The following LRRCC1 variants were observed in gnomAD, a reference collection of about 807,000 sequenced individuals.
The protein encoded by LRRCC1 is leucine-rich repeat and coiled-coil domain-containing protein 1.
A neutral mutation model predicts 126.0 loss-of-function variants in LRRCC1; 115 were observed. The ratio of observed to expected loss-of-function variants is 0.91; its 90% CI spans 0.78 to 1.07. The LOEUF (loss-of-function observed/expected upper bound fraction) is 1.07, where lower values mean the gene tolerates loss of function less well. Ranked by LOEUF, LRRCC1 falls within the 50% of genes least tolerant of loss-of-function variation. The pLI, the probability that LRRCC1 is intolerant of heterozygous loss-of-function variation, is 0.00. For synonymous variants in LRRCC1, 400 were observed against 393.4 expected (o/e 1.02, Z -0.20); for missense variants, 1,172 against 1,175.7 (o/e 1.00, Z 0.05).
chr8:85,111,807 C>T (rs1482424369), intron 3 of LRRCC1, among the ~76,000 whole-genome samples: 2 of 151,582 alleles, frequency 1.3e-5, no homozygotes, highest in Non-Finnish European at 2.9e-5. Context: ...GATTGTGAAG[C>T]AGTTGAAACT....
intron 18 of LRRCC1, among the ~76,000 whole-genome samples, chr8:85,143,037 A>C (rs1811370639): frequency 6.6e-6 from 1 of 152,142 alleles, no homozygotes; most frequent in East Asian, 1.9e-4. Flanking sequence ...AAAACTACCA[A>C]ATGCAGGCTG....
Position 85,132,071 on chromosome 8 carries a change from TAAGTA to T in LRRCC1, c.1968+113_1968+117del. On this transcript the variant is annotated intron_variant, in intron 12 of 18. Transcript: ENST00000360375. ...GTATTAAATGTTGGCTTCATAATCTTAAGTAAAATATATAAATTCTTAGAGGCCTT... is the reference window on the plus strand; with the variant it reads ...GTATTAAATGTTGGCTTCATAATCTTAAATATATAAATTCTTAGAGGCCTT... 8 of 845,950 alleles carry T rather than the reference TAAGTA, an allele frequency of 9.5e-6. 1 individual carries two copies. The South Asian group carries it at 1.6e-4, about 17-fold the overall frequency. 52.4% of individuals were successfully genotyped at this position (845,950 alleles called of 1,614,324 possible). A position where few individuals can be genotyped will look rare whatever the true frequency, so the allele number is the denominator to read the frequency against.
chr8:85,119,048 A>G (rs117590182), intron 6 of LRRCC1, among the ~76,000 whole-genome samples: 1,704 of 152,094 alleles, frequency 0.011, 17 homozygotes, highest in Non-Finnish European at 0.018. Context: ...ATTTTCAGTT[A>G]TCTCAGTACC....
At chr8:85,143,468 T>C (rs1355876839) in intron 18 of LRRCC1, among the ~76,000 whole-genome samples, 1 of 151,900 alleles carries the variant, frequency 6.6e-6, no homozygotes, top group Admixed American at 6.6e-5. Flanking sequence ...CAAGACCTTG[T>C]CGCTACAAAA....
At chr8:85,110,209 T>C in intron 3 of LRRCC1, 29 bp downstream of exon 3, 1 of 952,758 alleles carries the variant, frequency 1.0e-6, no homozygotes, top group East Asian at 2.8e-5. Context: ...GTTTTCTGTA[T>C]GCTAAATGTT....
At chr8:85,136,061 C>A in intron 14 of LRRCC1, 98 bp downstream of exon 14, 2 of 1,054,958 alleles carry the variant, frequency 1.9e-6, no homozygotes, top group Non-Finnish European at 1.3e-6. Flanking sequence ...CCTAAAGATG[C>A]CAAGAAAAAA....
At chr8:85,144,948 C>T (rs1234180295) in intron 18 of LRRCC1, among the ~76,000 whole-genome samples, 1 of 150,002 alleles carries the variant, frequency 6.7e-6, no homozygotes, top group Non-Finnish European at 1.5e-5. Context: ...GGCATGGTAG[C>T]GGGCACCTGT....
chr8:85,123,833 T>C (rs985665085), intron 7 of LRRCC1, among the ~76,000 whole-genome samples: 5 of 152,152 alleles, frequency 3.3e-5, no homozygotes, highest in African/African-American at 1.2e-4. Context: ...AACCTGAAGA[T>C]ATCTCATACT....
Position 85,123,507 on chromosome 8 carries a change from A to T in LRRCC1, c.1025A>T (p.Glu342Val). 6.2e-7 allele frequency: 1 copy of T among 1,611,716 alleles called. No homozygotes were observed. The highest frequency in any genetic ancestry group is 1.1e-5 in the South Asian group (1 of 90,758). Reference protein sequence around the residue: ...TSESDYGNRKECNRKVPRRSK... With the variant: ...TSESDYGNRKVCNRKVPRRSK... ...GAAAGTGACTATGGAAACAGAAAAGAATGCAATAGAAAAGTTCCTCGAAGA... is the reference window on the plus strand; with the variant it reads ...GAAAGTGACTATGGAAACAGAAAAGTATGCAATAGAAAAGTTCCTCGAAGA... Residue 342 changes from glutamate to valine, a missense_variant, in exon 7 of 19, where the codon GAA becomes GTA. Glu to Val is a moderately radical substitution (Grantham distance 121). Transcript: ENST00000360375.
rs1383380239 is a variant in LRRCC1, at chr8:85,140,249, A to C, written c.2841-1133A>C. 7.9e-5 allele frequency among the ~76,000 whole-genome samples: 12 copies of C among 152,218 alleles called. 1 individual carries two copies. Among genetic ancestry groups the C allele is most frequent in the Non-Finnish European group, 1.5e-4 (10 of 68,040 alleles). ...TAATTTAAGGGAATTGTAATAAAAT[A>C]AGCCAATTATTATAAATAATAACAG... On this transcript the variant is annotated intron_variant, in intron 17 of 18. Transcript: ENST00000360375.
chr8:85,130,049 A>T lies in LRRCC1; in HGVS notation c.1757A>T (p.Gln586Leu), dbSNP rs758995498. The T allele has an allele frequency of 7.6e-6, 12 of 1,579,430 alleles. No homozygotes were observed. ...QLHQLLALKE[Q>L]EHRKELETRE... ...CATCAACTTCTTGCATTGAAAGAAC[A>T]GGAACACAGGTAAATGAAAAATGTA... is the stretch of plus-strand genomic sequence containing the variant. Residue 586 changes from glutamine to leucine, a missense_variant, in exon 11 of 19, where the codon CAG becomes CTG. Transcript: ENST00000360375.
intron 3 of LRRCC1, among the ~76,000 whole-genome samples, chr8:85,110,851 T>C (rs1251407666): frequency 6.6e-6 from 1 of 152,204 alleles, no homozygotes; most frequent in Non-Finnish European, 1.5e-5. Flanking sequence ...ATTCCTAGAA[T>C]TATCTGTTAA....
chr8:85,145,230 A>G (rs997199541), intron 18 of LRRCC1, among the ~76,000 whole-genome samples, 159 bp from the exon 19 acceptor site: 3 of 151,814 alleles, frequency 2.0e-5, no homozygotes, highest in African/African-American at 4.8e-5. Context: ...TATTTTTCCT[A>G]TTAGCATTTG....
At chr8:85,126,149 A>G (rs1299035115) in intron 8 of LRRCC1, among the ~76,000 whole-genome samples, 3 of 152,112 alleles carry the variant, frequency 2.0e-5, no homozygotes, top group East Asian at 1.9e-4. Flanking sequence ...AGTATATACT[A>G]TTTCAAAAAA....
intron 11 of LRRCC1, 112 bp downstream of exon 11, chr8:85,130,170 C>T (rs1425730498): frequency 1.3e-6 from 1 of 781,178 alleles, no homozygotes; most frequent in Non-Finnish European, 1.8e-6. Flanking sequence ...GAGTCTTGCT[C>T]TGTCGTCCAG....
intron 11 of LRRCC1, among the ~76,000 whole-genome samples, chr8:85,130,999 G>C (rs1290825484): frequency 6.6e-6 from 1 of 152,136 alleles, no homozygotes; most frequent in Non-Finnish European, 1.5e-5. Context: ...ATCTATTTCA[G>C]TTATCTATTT....
chr8:85,144,026 T>C (rs1257024497), intron 18 of LRRCC1, among the ~76,000 whole-genome samples: 1 of 152,110 alleles, frequency 6.6e-6, no homozygotes, highest in Non-Finnish European at 1.5e-5. Context: ...TTATCAGAAG[T>C]GTTACGATAT....
chr8:85,111,100 G>A lies in LRRCC1; in HGVS notation c.376+920G>A, dbSNP rs144243718. On this transcript the variant is annotated intron_variant, in intron 3 of 18. Coordinates refer to ENST00000360375, the MANE Select transcript of LRRCC1 (RefSeq NM_033402.5). ...TATTAGAACTGAGTTTGTTTTTGCC[G>A]GGTGTGGTGTCTCACGCCTGTAATC... Among the ~76,000 whole-genome samples the A allele has an allele frequency of 2.3e-3, 350 of 152,216 alleles. 2 individuals are homozygous for A. Among genetic ancestry groups the A allele is most frequent in the African/African-American group, 7.8e-3 (324 of 41,518 alleles).
intron 6 of LRRCC1, among the ~76,000 whole-genome samples, chr8:85,122,898 G>T (rs191667890): frequency 3.4e-3 from 518 of 152,238 alleles, no homozygotes; most frequent in African/African-American, 0.012. Flanking sequence ...CAGATTGTAT[G>T]TTTTTCTCTT....
Sources: allele counts gnomAD v4.1 joint callset (sites outside exome capture counted in the v4.1 genomes callset), GRCh38; gene constraint gnomAD v4.1.1; transcripts MANE v1.5; gene names NCBI Gene and HGNC (gene_info 2026-07-23, HGNC 2026-07-21).